The following GOLGA5 variants were observed in gnomAD, a reference collection of about 807,000 sequenced individuals.
The protein encoded by GOLGA5 is golgin A5, also known as golgin subfamily A member 5.
A neutral mutation model predicts 93.5 loss-of-function variants in GOLGA5; 50 were observed. That is an observed-to-expected ratio of 0.53 (90% confidence interval 0.43 to 0.68). GOLGA5 has a LOEUF of 0.68. GOLGA5 is among the 30% of genes least tolerant of loss of function. The pLI is 0.00. For missense variants in GOLGA5, 760 were observed against 856.4 expected (o/e 0.89, Z 1.40); for synonymous variants, 312 against 304.5 (o/e 1.02, Z -0.26).
chr14:92,819,718 C>T lies in GOLGA5; in HGVS notation c.1502C>T (p.Ala501Val). Reference protein sequence around the residue: ...QLRSELQDMEAQQVNEAESAR... With the variant: ...QLRSELQDMEVQQVNEAESAR... The stretch of plus-strand genomic sequence containing the variant: ...GCTTTTTCTCTTTAGGATATGGAGG[C>T]ACAGCAAGTTAATGAAGCAGAATCA... Residue 501 changes from alanine (A) to valine (V), a missense_variant, in exon 8 of 13, where the codon GCA becomes GTA. Transcript: ENST00000163416. The T allele has an allele frequency of 6.2e-7, 1 of 1,613,458 alleles. No individual in the cohort carries two copies. The highest frequency in any genetic ancestry group is 8.5e-7 in the Non-Finnish European group (1 of 1,179,438).
chr14:92,835,941 A>ACAGGTTT (rs3034717), intron 11 of GOLGA5, among the ~76,000 whole-genome samples: 1 of 151,816 alleles, frequency 6.6e-6, no homozygotes, highest in African/African-American at 2.4e-5. Flanking sequence ...CCCTGACTGT[A>ACAGGTTT]TCTCTTTTTT....
At chr14:92,811,277 A>G (rs543672625) in intron 5 of GOLGA5, among the ~76,000 whole-genome samples, 8 of 152,296 alleles carry the variant, frequency 5.3e-5, no homozygotes, top group Admixed American at 3.9e-4. Context: ...TCCCAGACCC[A>G]TCTTGAAAAT....
chr14:92,832,397 C>T (rs561873847), intron 9 of GOLGA5, among the ~76,000 whole-genome samples: 2 of 152,172 alleles, frequency 1.3e-5, no homozygotes, highest in East Asian at 1.9e-4. Flanking sequence ...ACAGAGGAAA[C>T]GTGGCCGGCA....
At chr14:92,806,602 C>A (rs529161236) in intron 2 of GOLGA5, 134 bp from the exon 3 acceptor site, 8 of 635,806 alleles carry the variant, frequency 1.3e-5, no homozygotes, top group Non-Finnish European at 2.3e-5. Flanking sequence ...CATGAGCCAC[C>A]GCGCCTAGCT....
chr14:92,831,621 G>T (rs978630414), intron 9 of GOLGA5, among the ~76,000 whole-genome samples: 3 of 152,062 alleles, frequency 2.0e-5, no homozygotes, highest in African/African-American at 7.2e-5. Context: ...TAATACCTGG[G>T]TATTTCACTA....
chr14:92,835,721 G>T lies in GOLGA5; in HGVS notation c.2051+57G>T. 4 of 1,034,018 alleles carry T rather than the reference G, an allele frequency of 3.9e-6. No individual in the cohort carries two copies. The South Asian group carries it at 4.1e-5, about 10-fold the overall frequency. 64.1% of individuals were successfully genotyped at this position (1,034,018 alleles called of 1,614,324 possible). On this transcript the variant is annotated intron_variant, in intron 11 of 12. Transcript: ENST00000163416. Reference sequence around the variant, plus strand: ...CCATCAGCTGTTTTTACGTTTTTCAGGGTTTCAATCACAGTGACTCCCATC... The same window carrying T: ...CCATCAGCTGTTTTTACGTTTTTCATGGTTTCAATCACAGTGACTCCCATC...
chr14:92,803,827 A>C (rs1323276411), intron 2 of GOLGA5, among the ~76,000 whole-genome samples: 3 of 152,206 alleles, frequency 2.0e-5, no homozygotes, highest in Non-Finnish European at 2.9e-5. Context: ...CTGGCACTGC[A>C]CTAAATGCCT....
At chr14:92,819,649 C>T (rs955450567) in intron 7 of GOLGA5, 59 bp from the exon 8 acceptor site, 5 of 1,547,958 alleles carry the variant, frequency 3.2e-6, no homozygotes, top group Admixed American at 1.7e-5. Flanking sequence ...AAAAATTGCT[C>T]AATAAATGTT....
At chr14:92,809,250 A>G in intron 3 of GOLGA5, 50 bp from the exon 4 acceptor site, 1 of 1,288,508 alleles carries the variant, frequency 7.8e-7, no homozygotes, top group Non-Finnish European at 1.1e-6. Context: ...GTGCTCTGAG[A>G]AAAATGTGTT....
At chr14:92,821,859 C>T (rs1429631830) in intron 8 of GOLGA5, among the ~76,000 whole-genome samples, 2 of 152,092 alleles carry the variant, frequency 1.3e-5, no homozygotes, top group African/African-American at 2.4e-5. Flanking sequence ...TTAATTTATT[C>T]AAGGCACTAT....
At position 92,811,553 on chromosome 14, in the gene GOLGA5, C is replaced by T. The variant is rs371221028; in HGVS notation, c.1119C>T (p.Ser373=). 9.4e-6 allele frequency: 15 copies of T among 1,599,564 alleles called. No homozygotes were observed. The highest frequency in any genetic ancestry group is 2.2e-5 in the East Asian group (1 of 44,828). ...TATGATATAAAAATTTGTCACAGAGCGAGTTTGCTGCACGCCTTAATAAAG... is the reference window on the plus strand; with the variant it reads ...TATGATATAAAAATTTGTCACAGAGTGAGTTTGCTGCACGCCTTAATAAAG... ...REQESYKQMQ[S]EFAARLNKVE... is the part of the protein sequence containing the mutation. The change falls in exon 6 of 13, where the codon AGC becomes AGT. Residue 373 remains serine, a splice_region_variant and synonymous_variant. Transcript: ENST00000163416.
chr14:92,836,251 C>CT (rs139569793), intron 11 of GOLGA5, among the ~76,000 whole-genome samples: 10,070 of 152,154 alleles, frequency 0.066, 396 homozygotes, highest in Middle Eastern at 0.12. Context: ...CTACTGTACC[C>CT]TTTTTCTTTG....
intron 8 of GOLGA5, among the ~76,000 whole-genome samples, chr14:92,822,639 T>C (rs758935166): frequency 6.6e-6 from 1 of 152,182 alleles, no homozygotes; most frequent in Non-Finnish European, 1.5e-5. Context: ...CATAGGGTTT[T>C]TATTTTGTTT....
chr14:92,808,903 A>C (rs554384761), intron 3 of GOLGA5, among the ~76,000 whole-genome samples: 1 of 152,320 alleles, frequency 6.6e-6, no homozygotes, highest in East Asian at 1.9e-4. Context: ...TGAAAGCAAT[A>C]GATTCTTTTC....
chr14:92,832,512 AG>A (rs1388004289), intron 9 of GOLGA5, among the ~76,000 whole-genome samples: 2 of 152,228 alleles, frequency 1.3e-5, no homozygotes. Context: ...AGAGTCTCCT[AG>A]GACAACTATC....
At chr14:92,831,786 G>T (rs761843531) in intron 9 of GOLGA5, among the ~76,000 whole-genome samples, 18 of 152,046 alleles carry the variant, frequency 1.2e-4, no homozygotes, top group Non-Finnish European at 1.6e-4. Flanking sequence ...TGCTTAATTT[G>T]TGGGGAGTGC....
intron 2 of GOLGA5, among the ~76,000 whole-genome samples, chr14:92,800,701 T>C: frequency 6.6e-6 from 1 of 152,108 alleles, no homozygotes; most frequent in East Asian, 1.9e-4. Context: ...TCTGATTTTG[T>C]TGTTGTTGTT....
intron 10 of GOLGA5, 89 bp downstream of exon 10, chr14:92,833,436 T>G: frequency 1.0e-6 from 1 of 954,652 alleles, no homozygotes; most frequent in Non-Finnish European, 1.6e-6. Context: ...GAAAGAAACT[T>G]CATCCAGTGA....
At chr14:92,828,148 A>C (rs1053046915) in intron 9 of GOLGA5, among the ~76,000 whole-genome samples, 1 of 152,240 alleles carries the variant, frequency 6.6e-6, no homozygotes, top group Admixed American at 6.5e-5. Flanking sequence ...ACAGCCTTCT[A>C]TTGGAAGAAA....
Sources: gnomAD v4.1 joint callset for allele counts (sites outside exome capture counted in the v4.1 genomes callset) on GRCh38, gnomAD v4.1.1 for gene constraint, MANE v1.5 for transcripts, NCBI Gene and HGNC (gene_info 2026-07-23, HGNC 2026-07-21) for gene names.